LCA5L: variants seen among roughly 807,000 people sequenced by gnomAD.
The protein encoded by LCA5L is lebercilin-like protein.
LCA5L carries 35 observed loss-of-function variants against 45.4 expected under a neutral mutation model. The ratio of observed to expected loss-of-function variants is 0.77; its 90% confidence interval spans 0.59 to 1.02. The LOEUF (loss-of-function observed/expected upper bound fraction) is 1.02, where lower values mean the gene tolerates loss of function less well. Ranked by LOEUF, LCA5L falls within the 50% of genes least tolerant of loss-of-function variation. LCA5L has a pLI of 0.00. For synonymous variants in LCA5L, 233 were observed against 264.7 expected (o/e 0.88, Z 1.16); for missense variants, 668 against 761.6 (o/e 0.88, Z 1.45).
chr21:39,422,896 G>A lies in LCA5L; in HGVS notation c.837+80C>T, dbSNP rs1329364364. 4.7e-6 allele frequency: 6 copies of A among 1,264,698 alleles called. No individual in the cohort carries two copies. The African/African-American group carries it at 7.5e-5, about 16-fold the overall frequency. The allele number at this position is 1,264,698 out of a possible 1,614,324, so 78.3% of individuals were successfully genotyped here. ...CAGTTAGTAATGCTTTGTTACAGAG[G>A]GGGCGCATCCATGATTAATTCACAC... On this transcript the variant is annotated intron_variant, in intron 6 of 10. Coordinates refer to ENST00000288350, the MANE Select transcript of LCA5L (RefSeq NM_152505.4).
Position 39,405,866 on chromosome 21 carries a change from A to C in LCA5L, c.*16T>G. On this transcript the variant is annotated 3_prime_UTR_variant, in exon 11 of 11. Transcript: ENST00000288350. ...GCATTATATCAAACCAGAATGCATT[A>C]GGATATTGATTATATTTAAATAATT... is the stretch of plus-strand genomic sequence containing the variant. 1 of 1,520,112 alleles carries C rather than the reference A, an allele frequency of 6.6e-7. No homozygotes were observed. Among genetic ancestry groups the C allele is most frequent in the Non-Finnish European group, 8.9e-7 (1 of 1,123,044 alleles). The allele number at this position is 1,520,112 out of a possible 1,614,324, so 94.2% of individuals were successfully genotyped here.
At chr21:39,421,541 C>A (rs1422207527) in intron 6 of LCA5L, 4 of 152,276 alleles carry the variant, frequency 2.6e-5, no homozygotes, top group Admixed American at 1.3e-4. Context: ...TGATTTAATT[C>A]AATAACCATC....
chr21:39,430,815 C>T (rs1183317721), intron 3 of LCA5L, among the ~76,000 whole-genome samples: 5 of 152,154 alleles, frequency 3.3e-5, no homozygotes, highest in Admixed American at 2.6e-4. Flanking sequence ...ACAATCTAAT[C>T]GCCAGTCACT....
Sources: allele counts gnomAD v4.1 joint callset (sites outside exome capture counted in the v4.1 genomes callset), GRCh38; gene constraint gnomAD v4.1.1; transcripts MANE v1.5; gene names NCBI Gene and HGNC (gene_info 2026-07-23, HGNC 2026-07-21).